Variants in ELL observed in about 807,000 individuals in gnomAD.
The protein encoded by ELL is elongation factor for RNA polymerase II, also known as RNA polymerase II elongation factor ELL.
In ELL, 18 loss-of-function variants were observed where a neutral mutation model predicts 64.0. The observed-to-expected ratio is 0.28, with a 90% CI of 0.19 to 0.42. The LOEUF (loss-of-function observed/expected upper bound fraction) is 0.42, where lower values mean the gene tolerates loss of function less well. ELL is among the 10% of genes least tolerant of loss of function. The pLI, the probability that ELL is intolerant of heterozygous loss-of-function variation, is 1.00. For missense variants in ELL, 797 were observed against 870.4 expected (o/e 0.92, Z 1.06); for synonymous variants, 399 against 376.2 (o/e 1.06, Z -0.70).
At position 18,444,318 on chromosome 19, in the gene ELL, G is replaced by A. The variant is rs1437901074; in HGVS notation, c.*434C>T. On this transcript the variant is annotated 3_prime_UTR_variant, in exon 12 of 12. Coordinates refer to ENST00000262809, the MANE Select transcript of ELL (RefSeq NM_006532.4). ...CCAGGGCAGCGGCTAGACCCTGGGTGTCCGAGGAGAGGGAGGCACAGGTTT... is the reference window on the plus strand; with the variant it reads ...CCAGGGCAGCGGCTAGACCCTGGGTATCCGAGGAGAGGGAGGCACAGGTTT... 1 of 239,626 alleles carries A rather than the reference G, an allele frequency of 4.2e-6. No homozygotes were observed. The highest frequency in any genetic ancestry group is 8.2e-6 in the Non-Finnish European group (1 of 121,550). The allele number at this position is 239,626 out of a possible 1,614,324, so 14.8% of individuals were successfully genotyped here.
intron 1 of ELL, among the ~76,000 whole-genome samples, chr19:18,519,458 G>A (rs181022030): frequency 5.3e-4 from 81 of 152,210 alleles, no homozygotes; most frequent in Middle Eastern, 3.4e-3. Flanking sequence ...CGGAGCTGCC[G>A]TGCCTTAGAA....
intron 1 of ELL, among the ~76,000 whole-genome samples, chr19:18,492,559 C>T (rs997028594): frequency 6.6e-6 from 1 of 152,204 alleles, no homozygotes; most frequent in African/African-American, 2.4e-5. Flanking sequence ...GTGAGACTCG[C>T]TACTCAATCT....
intron 2 of ELL, among the ~76,000 whole-genome samples, chr19:18,468,220 C>T (rs1974993114): frequency 7.8e-6 from 1 of 127,432 alleles, no homozygotes; most frequent in African/African-American, 3.9e-5. Flanking sequence ...CACACACAAA[C>T]AATCCATACA....
chr19:18,455,333 A>T (rs1974642772), intron 6 of ELL, among the ~76,000 whole-genome samples: 1 of 150,070 alleles, frequency 6.7e-6, no homozygotes, highest in Non-Finnish European at 1.5e-5. Flanking sequence ...TCTACTAAAA[A>T]TACAAAAATT....
At chr19:18,472,662 T>G in intron 2 of ELL, 173 bp downstream of exon 2, 1 of 739,478 alleles carries the variant, frequency 1.4e-6, no homozygotes, top group Non-Finnish European at 2.2e-6. Flanking sequence ...CGACACGTCC[T>G]GGTGTGGCCC....
At chr19:18,519,485 C>A (rs974422380) in intron 1 of ELL, among the ~76,000 whole-genome samples, 1 of 152,176 alleles carries the variant, frequency 6.6e-6, no homozygotes, top group East Asian at 1.9e-4. Flanking sequence ...ATCCACTATA[C>A]TGCCCCATGG....
At chr19:18,511,878 C>T (rs530477607) in intron 1 of ELL, among the ~76,000 whole-genome samples, 12 of 151,634 alleles carry the variant, frequency 7.9e-5, no homozygotes, top group Non-Finnish European at 1.6e-4. Flanking sequence ...AAAAAAGGGC[C>T]GGGCACAGTG....
At chr19:18,458,479 C>A in intron 5 of ELL, 150 bp from the exon 6 acceptor site, 1 of 1,250,996 alleles carries the variant, frequency 8.0e-7, no homozygotes, top group Non-Finnish European at 1.1e-6. Context: ...GGCCCACTAC[C>A]GATCCGTGAT....
intron 5 of ELL, 81 bp from the exon 6 acceptor site, chr19:18,458,410 T>C: frequency 6.4e-7 from 1 of 1,555,098 alleles, no homozygotes; most frequent in Non-Finnish European, 8.7e-7. Context: ...GATAGTGGGT[T>C]TGGGAGGGTG....
chr19:18,479,238 C>A (rs774783625), intron 1 of ELL, among the ~76,000 whole-genome samples: 6 of 152,196 alleles, frequency 3.9e-5, no homozygotes, highest in Non-Finnish European at 7.3e-5. Context: ...ACACTGCAGG[C>A]AACACAGAAC....
intron 4 of ELL, among the ~76,000 whole-genome samples, chr19:18,464,481 C>G (rs1446729273): frequency 8.5e-6 from 1 of 118,332 alleles, no homozygotes; most frequent in Non-Finnish European, 1.7e-5. Flanking sequence ...AACCCGGGCT[C>G]CCTGGCCATA....
chr19:18,510,763 G>C (rs1431597107), intron 1 of ELL, among the ~76,000 whole-genome samples: 1 of 152,196 alleles, frequency 6.6e-6, no homozygotes, highest in Non-Finnish European at 1.5e-5. Context: ...CGGCTGGTGG[G>C]AATGTAAAAT....
Position 18,461,584 on chromosome 19 carries a change from G to C in ELL, c.738C>G (p.Leu246=), listed in dbSNP as rs376123936. 1.8e-5 allele frequency: 28 copies of C among 1,598,392 alleles called. No individual in the cohort carries two copies. The African/African-American group carries it at 3.6e-4, about 21-fold the overall frequency. Residue 246 remains leucine (L), a synonymous_variant, in exon 5 of 12, where the codon CTC becomes CTG. Transcript: ENST00000262809. ...QADKDALDGL[L]QQVANMSAKD... ...ACATCGGGGCGGCACCCACCTGCTG[G>C]AGGAGGCCATCCAGCGCGTCCTTGT...
intron 6 of ELL, 42 bp downstream of exon 6, chr19:18,458,163 C>T (rs1050064536): frequency 6.3e-7 from 1 of 1,599,368 alleles, no homozygotes. Context: ...TGGCTGCCTT[C>T]ATGCGGGTGG....
At chr19:18,482,763 T>TTTG (rs71336679) in intron 1 of ELL, among the ~76,000 whole-genome samples, 2,333 of 149,706 alleles carry the variant, frequency 0.016, 31 homozygotes, top group Non-Finnish European at 0.019. Context: ...CTTTTTGGTT[T>TTTG]TTGTTGTTGT....
chr19:18,516,356 CCCAGCAGACTGCAGCT>C (rs1261485475), intron 1 of ELL, among the ~76,000 whole-genome samples: 10 of 152,328 alleles, frequency 6.6e-5, no homozygotes, highest in African/African-American at 2.2e-4. Flanking sequence ...GGACCCTTCC[CCCAGCAGACTGCAGCT>C]CCGTGTCACC....
At chr19:18,509,598 T>TACACACACACACACACAC (rs1183127480) in intron 1 of ELL, among the ~76,000 whole-genome samples, 6 of 81,876 alleles carry the variant, frequency 7.3e-5, no homozygotes, top group East Asian at 3.5e-4. Flanking sequence ...CGCGCGCACA[T>TACACACACACACACACAC]ACACACACAC....
intron 6 of ELL, among the ~76,000 whole-genome samples, chr19:18,456,285 G>A (rs1394440402): frequency 6.6e-6 from 1 of 152,250 alleles, no homozygotes; most frequent in Non-Finnish European, 1.5e-5. Context: ...CCCAGAGTAG[G>A]TACCTGGCCA....
intron 7 of ELL, among the ~76,000 whole-genome samples, chr19:18,451,257 C>T (rs931940183): frequency 1.3e-5 from 2 of 152,224 alleles, no homozygotes; most frequent in Non-Finnish European, 2.9e-5. Flanking sequence ...GCATGCTTCC[C>T]CAGTGATAAC....
Sources: allele counts gnomAD v4.1 joint callset (sites outside exome capture counted in the v4.1 genomes callset), GRCh38; gene constraint gnomAD v4.1.1; transcripts MANE v1.5; gene names NCBI Gene and HGNC (gene_info 2026-07-23, HGNC 2026-07-21).